The following ATP2B4 variants were observed in gnomAD, a reference collection of about 807,000 sequenced individuals.
ATP2B4 encodes ATPase plasma membrane Ca2+ transporting 4, also known as plasma membrane calcium-transporting ATPase 4.
ATP2B4 carries 39 observed loss-of-function variants against 110.3 expected under a neutral mutation model. That is an observed-to-expected ratio of 0.35 (90% CI 0.27 to 0.46). The LOEUF (loss-of-function observed/expected upper bound fraction) is 0.46. Ranked by LOEUF, ATP2B4 falls within the 20% of genes least tolerant of loss-of-function variation. The pLI is 1.00. For synonymous variants in ATP2B4, 538 were observed against 571.7 expected (o/e 0.94, Z 0.84); for missense variants, 1,135 against 1,530.9 (o/e 0.74, Z 4.32).
chr1:203,640,521 C>T (rs529423587), intron 1 of ATP2B4, among the ~76,000 whole-genome samples: 9 of 151,758 alleles, frequency 5.9e-5, no homozygotes, highest in Non-Finnish European at 5.9e-5. Context: ...GGTGGGGTTT[C>T]GCCATGTTGC....
At chr1:203,738,100 C>T (rs895734274) in intron 20 of ATP2B4, among the ~76,000 whole-genome samples, 1 of 152,020 alleles carries the variant, frequency 6.6e-6, no homozygotes, top group Non-Finnish European at 1.5e-5. Context: ...TACCCTACCC[C>T]CACCTTCATC....
At chr1:203,699,768 G>A (rs1402300828) in intron 4 of ATP2B4, 51 bp downstream of exon 4, 1 of 1,601,194 alleles carries the variant, frequency 6.2e-7, no homozygotes, top group Non-Finnish European at 8.5e-7. Context: ...CCCATTTAAG[G>A]GATAGGTCCT....
Position 203,683,197 on chromosome 1 carries a change from G to T in ATP2B4, c.-9G>T, listed in dbSNP as rs369576144. On this transcript the variant is annotated 5_prime_UTR_variant, in exon 2 of 21. Coordinates refer to ENST00000357681, the MANE Select transcript of ATP2B4 (RefSeq NM_001684.5). Reference sequence around the variant, plus strand: ...TCTCTGGTTGAGGGGCTTGGTAACAGCAGGCAAAATGACGAACCCATCAGA... The same window carrying T: ...TCTCTGGTTGAGGGGCTTGGTAACATCAGGCAAAATGACGAACCCATCAGA... The T allele has an allele frequency of 1.2e-6, 2 of 1,611,806 alleles. No homozygotes were observed. The highest frequency in any genetic ancestry group is 1.7e-6 in the Non-Finnish European group (2 of 1,178,682).
At chr1:203,664,666 C>T (rs999103699) in intron 1 of ATP2B4, among the ~76,000 whole-genome samples, 7 of 152,086 alleles carry the variant, frequency 4.6e-5, no homozygotes, top group Non-Finnish European at 8.8e-5. Context: ...AGGGGCCCCA[C>T]GGGGCTGGCC....
intron 20 of ATP2B4, among the ~76,000 whole-genome samples, chr1:203,731,641 G>A (rs1240205917): frequency 6.6e-6 from 1 of 151,878 alleles, no homozygotes; most frequent in Admixed American, 6.6e-5. Context: ...CACAAGGTCA[G>A]GAGTTCGAGA....
intron 1 of ATP2B4, among the ~76,000 whole-genome samples, chr1:203,652,238 A>G (rs1005658666): frequency 6.7e-6 from 1 of 149,116 alleles, no homozygotes; most frequent in Non-Finnish European, 1.5e-5. Flanking sequence ...TCCGTTTCCC[A>G]GGTGCAAGCG....
intron 13 of ATP2B4, among the ~76,000 whole-genome samples, chr1:203,712,739 TCCTGTGTC>T (rs2102402272): frequency 6.6e-6 from 1 of 151,474 alleles, no homozygotes; most frequent in East Asian, 2.0e-4. Context: ...AGCCCACCCC[TCCTGTGTC>T]CCTGCCCTTT....
At chr1:203,697,828 C>G (rs1438969247) in intron 2 of ATP2B4, among the ~76,000 whole-genome samples, 1 of 151,888 alleles carries the variant, frequency 6.6e-6, no homozygotes, top group African/African-American at 2.4e-5. Flanking sequence ...CTTCGGCTTC[C>G]TGAGTAGCTG....
chr1:203,701,124 G>C (rs1415542140), intron 6 of ATP2B4, among the ~76,000 whole-genome samples: 4 of 152,036 alleles, frequency 2.6e-5, no homozygotes, highest in African/African-American at 9.7e-5. Flanking sequence ...CTGGCTCTAG[G>C]CTCCCAAATC....
At chr1:203,701,842 G>A (rs535123363) in intron 6 of ATP2B4, among the ~76,000 whole-genome samples, 2 of 152,162 alleles carry the variant, frequency 1.3e-5, no homozygotes, top group East Asian at 3.9e-4. Flanking sequence ...GAGCGTTTTG[G>A]TGGATATCCC....
At chr1:203,702,021 T>A in intron 6 of ATP2B4, 23 bp from the exon 7 acceptor site, 1 of 1,613,948 alleles carries the variant, frequency 6.2e-7, no homozygotes, top group Non-Finnish European at 8.5e-7. Flanking sequence ...TCGACCCCAC[T>A]TTTTTCTTTC....
intron 1 of ATP2B4, among the ~76,000 whole-genome samples, chr1:203,642,064 T>C (rs936278648): frequency 1.3e-5 from 2 of 152,062 alleles, no homozygotes; most frequent in Non-Finnish European, 2.9e-5. Flanking sequence ...CCCCACAGCC[T>C]ACTGTGTTTT....
At chr1:203,679,173 G>A (rs939327094) in intron 1 of ATP2B4, among the ~76,000 whole-genome samples, 1 of 152,060 alleles carries the variant, frequency 6.6e-6, no homozygotes, top group Non-Finnish European at 1.5e-5. Flanking sequence ...CCTTTCAGGT[G>A]TCTGAGCAGT....
Position 203,743,971 on chromosome 1 carries a change from A to G in ATP2B4, c.*4117A>G, listed in dbSNP as rs997855073. 5.2e-5 allele frequency: 8 copies of G among 152,672 alleles called. No individual in the cohort carries two copies. Among genetic ancestry groups the G allele is most frequent in the African/African-American group, 1.9e-4 (8 of 41,466 alleles). The allele number at this position is 152,672 out of a possible 1,614,324, so 9.5% of individuals were successfully genotyped here. A position where few individuals can be genotyped will look rare whatever the true frequency, so the allele number is the denominator to read the frequency against. ...GTGTTGTTCCACTGAGACCAGAAGA[A>G]GAAGAGGAGTTTTAAAAGGGATAAT... is the stretch of plus-strand genomic sequence containing the variant. On this transcript the variant is annotated 3_prime_UTR_variant, in exon 21 of 21. Coordinates refer to ENST00000357681, the MANE Select transcript of ATP2B4 (RefSeq NM_001684.5).
chr1:203,682,239 G>A (rs569015332), intron 1 of ATP2B4, among the ~76,000 whole-genome samples: 1 of 152,274 alleles, frequency 6.6e-6, no homozygotes, highest in South Asian at 2.1e-4. Flanking sequence ...GTGTGTAAAT[G>A]TGTGTGTTGG....
Position 203,709,400 on chromosome 1 carries a change from G to C in ATP2B4, c.1657G>C (p.Val553Leu). 1 of 1,614,242 alleles carries C rather than the reference G, an allele frequency of 6.2e-7. No homozygotes were observed. The highest frequency in any genetic ancestry group is 1.1e-5 in the South Asian group (1 of 91,086). ...AGATCTGAAGCAGGATTATCAGGCT[G>C]TGCGTAATGAAGTGCCCGAGGAGAA... ...VTDLKQDYQA[V>L]RNEVPEEKLY... The change falls in exon 11 of 21, where the codon GTG (valine) becomes CTG (leucine). Residue 553 changes from valine to leucine, a missense_variant. Around this residue, in one of 9 missense-constraint regions of ATP2B4, gnomAD observed 368 missense variants for 455.9 expected, o/e 0.81. Transcript: ENST00000357681.
In ATP2B4 at chr1:203,699,698, T is replaced by C; in HGVS notation, c.630T>C (p.Asp210=). The C allele has an allele frequency of 6.2e-7, 1 of 1,614,126 alleles. No homozygotes were observed. Among genetic ancestry groups the C allele is most frequent in the Non-Finnish European group, 8.5e-7 (1 of 1,180,032 alleles). The change falls in exon 4 of 21, where the codon GAT becomes GAC. Residue 210 remains aspartate, a synonymous_variant. Coordinates refer to ENST00000357681, the MANE Select transcript of ATP2B4 (RefSeq NM_001684.5). ...QLPVAEIVVG[D]IAQVKYGDLL... is the part of the protein sequence containing the mutation. ...CTGTGGCTGAGATTGTGGTTGGTGATATTGCCCAAGTCAAATACGGTGAGA... is the reference window on the plus strand; with the variant it reads ...CTGTGGCTGAGATTGTGGTTGGTGACATTGCCCAAGTCAAATACGGTGAGA...
Position 203,739,917 on chromosome 1 carries a change from G to C in ATP2B4, c.*63G>C. The C allele has an allele frequency of 6.6e-7, 1 of 1,517,018 alleles. No homozygotes were observed. The highest frequency in any genetic ancestry group is 1.3e-5 in the South Asian group (1 of 77,618). The allele number at this position is 1,517,018 out of a possible 1,614,324, so 94.0% of individuals were successfully genotyped here. On this transcript the variant is annotated 3_prime_UTR_variant, in exon 21 of 21. Coordinates refer to ENST00000357681, the MANE Select transcript of ATP2B4 (RefSeq NM_001684.5). The stretch of plus-strand genomic sequence containing the variant: ...TTCCATTTTCGTCTATCCCATCTAT[G>C]AGGTGATGATGGGACTTTTCATTGT...
At chr1:203,641,704 G>T (rs936223241) in intron 1 of ATP2B4, among the ~76,000 whole-genome samples, 4 of 152,196 alleles carry the variant, frequency 2.6e-5, no homozygotes, top group Non-Finnish European at 4.4e-5. Context: ...CACTCCGTGA[G>T]TTAAATAGCT....
Sources: allele counts gnomAD v4.1 joint callset (sites outside exome capture counted in the v4.1 genomes callset), GRCh38; gene constraint gnomAD v4.1.1; regional missense constraint gnomAD v4.1.1; transcripts MANE v1.5; gene names NCBI Gene and HGNC (gene_info 2026-07-23, HGNC 2026-07-21).